Variants in LGR4 observed in about 807,000 individuals in gnomAD.
LGR4 encodes leucine rich repeat containing G protein-coupled receptor 4.
LGR4 carries 44 observed loss-of-function variants against 84.8 expected under a neutral mutation model. The ratio of observed to expected loss-of-function variants is 0.52; its 90% CI spans 0.41 to 0.67. The LOEUF (loss-of-function observed/expected upper bound fraction) is 0.67, where lower values mean the gene tolerates loss of function less well. LGR4 is among the 30% of genes least tolerant of loss of function. The pLI is 0.00. For synonymous variants in LGR4, 429 were observed against 434.3 expected (o/e 0.99, Z 0.15); for missense variants, 1,032 against 1,131.4 (o/e 0.91, Z 1.26).
intron 1 of LGR4, among the ~76,000 whole-genome samples, chr11:27,454,924 G>C (rs999386558): frequency 1.3e-5 from 2 of 152,204 alleles, no homozygotes; most frequent in African/African-American, 4.8e-5. Context: ...ACAAGCCACA[G>C]CAACACAAGT....
chr11:27,377,604 TA>T, intron 11 of LGR4, among the ~76,000 whole-genome samples: 1 of 152,150 alleles, frequency 6.6e-6, no homozygotes, highest in East Asian at 1.9e-4. Context: ...TTATACGGTT[TA>T]AAAATTTGTA....
At position 27,369,096 on chromosome 11, in the gene LGR4, G is replaced by A; in HGVS notation, c.1627C>T (p.Leu543Phe). The change falls in exon 18 of 18, where the codon CTT becomes TTT. Residue 543 changes from leucine (L) to phenylalanine (F), a missense_variant. Leu to Phe is a conservative substitution (Grantham distance 22, BLOSUM62 0). Coordinates refer to ENST00000379214, the MANE Select transcript of LGR4 (RefSeq NM_018490.5). ...ACCAAGAAAATGAACCACACAGTAA[G>A]ACGAATCATCCAGCTTCCCAGTAAA... ...EYLLGSWMIR[L>F]TVWFIFLVAL... is the part of the protein sequence containing the mutation. 1 of 1,612,400 alleles carries A rather than the reference G, an allele frequency of 6.2e-7. No individual in the cohort carries two copies. Among genetic ancestry groups the A allele is most frequent in the Non-Finnish European group, 8.5e-7 (1 of 1,179,562 alleles).
In LGR4 at chr11:27,472,395, C is replaced by T. The variant is rs1365496690; in HGVS notation, c.-93G>A. On this transcript the variant is annotated 5_prime_UTR_variant, in exon 1 of 18. Coordinates refer to ENST00000379214, the MANE Select transcript of LGR4 (RefSeq NM_018490.5). Reference sequence around the variant, plus strand: ...CCGCCGCCCCCGGGCAGCCGGCCTGCGGGCTGGAGCGGGGGTCTCTTCCTC... The same window carrying T: ...CCGCCGCCCCCGGGCAGCCGGCCTGTGGGCTGGAGCGGGGGTCTCTTCCTC... 2 of 1,004,508 alleles carry T rather than the reference C, an allele frequency of 2.0e-6. No individual in the cohort carries two copies. Among genetic ancestry groups the T allele is most frequent in the Non-Finnish European group, 2.5e-6 (2 of 788,382 alleles). 62.2% of individuals were successfully genotyped at this position (1,004,508 alleles called of 1,614,324 possible).
At chr11:27,448,790 C>T (rs991463656) in intron 1 of LGR4, among the ~76,000 whole-genome samples, 5 of 152,026 alleles carry the variant, frequency 3.3e-5, no homozygotes, top group African/African-American at 1.2e-4. Flanking sequence ...AGTAATGAGA[C>T]TAACAAAAAT....
intron 1 of LGR4, among the ~76,000 whole-genome samples, chr11:27,427,727 C>A (rs1864047671): frequency 6.6e-6 from 1 of 152,158 alleles, no homozygotes; most frequent in African/African-American, 2.4e-5. Flanking sequence ...TTAGAAGTAG[C>A]AGCTTCAAGA....
At chr11:27,467,465 G>C (rs1864799156) in intron 1 of LGR4, among the ~76,000 whole-genome samples, 1 of 151,844 alleles carries the variant, frequency 6.6e-6, no homozygotes, top group Non-Finnish European at 1.5e-5. Flanking sequence ...CCACTCGGGA[G>C]GCTGAGACAG....
At chr11:27,433,571 G>C (rs1043239269) in intron 1 of LGR4, among the ~76,000 whole-genome samples, 4 of 151,990 alleles carry the variant, frequency 2.6e-5, no homozygotes, top group African/African-American at 7.2e-5. Flanking sequence ...ATGTTCTTCA[G>C]AGTGTGCTCT....
Position 27,472,306 on chromosome 11 carries a change from T to A in LGR4, c.-4A>T. The A allele has an allele frequency of 1.7e-6, 2 of 1,200,416 alleles. No individual in the cohort carries two copies. The highest frequency in any genetic ancestry group is 2.1e-6 in the Non-Finnish European group (2 of 968,300). 74.4% of individuals were successfully genotyped at this position (1,200,416 alleles called of 1,614,324 possible). On this transcript the variant is annotated 5_prime_UTR_variant, in exon 1 of 18. Transcript: ENST00000379214. Reference sequence around the variant, plus strand: ...GCAGCCCTAGCGGGCCCGGCATTGCTGCGGCCGCCTCCCGCGCCGGCCTCT... The same window carrying A: ...GCAGCCCTAGCGGGCCCGGCATTGCAGCGGCCGCCTCCCGCGCCGGCCTCT...
In LGR4 at chr11:27,380,945, A is replaced by C; in HGVS notation, c.780T>G (p.Ile260Met). The change falls in exon 8 of 18, where the codon ATT becomes ATG. Residue 260 changes from isoleucine (I) to methionine (M), a missense_variant. Coordinates refer to ENST00000379214, the MANE Select transcript of LGR4 (RefSeq NM_018490.5). ...CAAATGCTCCATCAGGGATAACAGA[A>C]ATAGAATTACTATGAAATCCTCTAG... ...LKELGFHSNS[I>M]SVIPDGAFDG... The C allele has an allele frequency of 6.5e-7, 1 of 1,541,376 alleles. No individual in the cohort carries two copies. Among genetic ancestry groups the C allele is most frequent in the African/African-American group, 1.4e-5 (1 of 73,460 alleles).
intron 1 of LGR4, among the ~76,000 whole-genome samples, chr11:27,466,502 A>G (rs1287243864): frequency 3.3e-5 from 5 of 152,232 alleles, no homozygotes; most frequent in Admixed American, 2.0e-4. Context: ...TATAAAGATG[A>G]CTAAAATAAG....
In LGR4 at chr11:27,367,318, C is replaced by G. The variant is rs1296192485; in HGVS notation, c.*549G>C. 1 of 152,536 alleles carries G rather than the reference C, an allele frequency of 6.6e-6. No homozygotes were observed. Among genetic ancestry groups the G allele is most frequent in the Non-Finnish European group, 1.5e-5 (1 of 68,006 alleles). 9.4% of individuals were successfully genotyped at this position (152,536 alleles called of 1,614,324 possible). On this transcript the variant is annotated 3_prime_UTR_variant, in exon 18 of 18. Transcript: ENST00000379214. ...TTGCTTAAACAAAATTTATAGTTCT[C>G]TTATGTCAAGGATGGCAAGTGAAAA...
At chr11:27,469,745 G>A (rs750452084) in intron 1 of LGR4, among the ~76,000 whole-genome samples, 8 of 152,194 alleles carry the variant, frequency 5.3e-5, no homozygotes, top group African/African-American at 1.9e-4. Flanking sequence ...ATTAAGAATA[G>A]GTGAACAAAC....
chr11:27,436,918 T>G (rs1479050363), intron 1 of LGR4, among the ~76,000 whole-genome samples: 3 of 152,020 alleles, frequency 2.0e-5, no homozygotes, highest in Admixed American at 6.6e-5. Context: ...GAGGGGGTGT[T>G]GAAGGGAGAT....
chr11:27,408,814 A>C (rs1204176609), intron 2 of LGR4, among the ~76,000 whole-genome samples: 1 of 152,176 alleles, frequency 6.6e-6, no homozygotes, highest in East Asian at 1.9e-4. Context: ...ACGGCGACAT[A>C]GCATTTTATG....
At chr11:27,428,777 G>T (rs771487111) in intron 1 of LGR4, among the ~76,000 whole-genome samples, 2 of 151,982 alleles carry the variant, frequency 1.3e-5, no homozygotes, top group Non-Finnish European at 2.9e-5. Flanking sequence ...ATAGGCTCTT[G>T]CTATGTTGCC....
At chr11:27,471,417 G>C (rs1245348984) in intron 1 of LGR4, among the ~76,000 whole-genome samples, 1 of 152,234 alleles carries the variant, frequency 6.6e-6, no homozygotes, top group East Asian at 1.9e-4. Flanking sequence ...AAAAGGCCTT[G>C]TTGGGTAAGA....
intron 1 of LGR4, 100 bp downstream of exon 1, chr11:27,472,018 G>T: frequency 1.1e-6 from 1 of 877,390 alleles, no homozygotes. Flanking sequence ...GCGGCGGCGG[G>T]GCGGGGTGGG....
At chr11:27,374,116 T>C (rs2133363310) in intron 13 of LGR4, 70 bp from the exon 14 acceptor site, 1 of 980,198 alleles carries the variant, frequency 1.0e-6, no homozygotes, top group East Asian at 2.4e-5. Context: ...TAGACTATAC[T>C]TTAGAATTAG....
intron 1 of LGR4, among the ~76,000 whole-genome samples, chr11:27,433,471 T>C (rs909657180): frequency 6.6e-6 from 1 of 151,800 alleles, no homozygotes; most frequent in Admixed American, 6.6e-5. Flanking sequence ...GACCTTGTAA[T>C]CTGCCCACCT....
Sources: gnomAD v4.1 joint callset for allele counts (sites outside exome capture counted in the v4.1 genomes callset) on GRCh38, gnomAD v4.1.1 for gene constraint, MANE v1.5 for transcripts, NCBI Gene and HGNC (gene_info 2026-07-23, HGNC 2026-07-21) for gene names.